ERBB4: variants seen among roughly 807,000 people sequenced by gnomAD.
The protein encoded by ERBB4 is erb-b2 receptor tyrosine kinase 4, also known as receptor tyrosine-protein kinase erbB-4.
A neutral mutation model predicts 158.0 loss-of-function variants in ERBB4; 42 were observed. That is an observed-to-expected ratio of 0.27 (90% confidence interval 0.21 to 0.34). The LOEUF (loss-of-function observed/expected upper bound fraction) is 0.34, where lower values mean the gene tolerates loss of function less well. ERBB4 is among the 10% of genes least tolerant of loss of function. The pLI is 1.00. For missense variants in ERBB4, 1,333 were observed against 1,624.1 expected, an observed-to-expected ratio of 0.82 and a Z score of 3.08; for synonymous variants, 583 against 558.7, an observed-to-expected ratio of 1.04 and a Z score of -0.61.
intron 2 of ERBB4, among the ~76,000 whole-genome samples, chr2:211,994,369 G>C (rs573775301): frequency 6.6e-6 from 1 of 152,120 alleles, no homozygotes; most frequent in East Asian, 1.9e-4. Flanking sequence ...CTGACTTCAA[G>C]CTCTCCTCCC....
intron 1 of ERBB4, among the ~76,000 whole-genome samples, chr2:212,311,428 A>G (rs775430042): frequency 6.6e-6 from 1 of 150,914 alleles, no homozygotes; most frequent in Non-Finnish European, 1.5e-5. Flanking sequence ...GAGTTTTAAA[A>G]TAAATCCTAT....
intron 20 of ERBB4, among the ~76,000 whole-genome samples, chr2:211,542,959 C>A (rs959589995): frequency 1.3e-5 from 2 of 151,896 alleles, no homozygotes; most frequent in Non-Finnish European, 2.9e-5. Context: ...TGAAACAACT[C>A]TTATTTAGAG....
At chr2:211,769,628 T>C (rs972069854) in intron 4 of ERBB4, among the ~76,000 whole-genome samples, 9 of 151,854 alleles carry the variant, frequency 5.9e-5, no homozygotes, top group African/African-American at 2.2e-4. Context: ...ACCTCAAAAG[T>C]AGGGAAGCCA....
chr2:211,418,350 A>G (rs115734408), intron 25 of ERBB4, among the ~76,000 whole-genome samples: 1,781 of 152,286 alleles, frequency 0.012, 30 homozygotes, highest in African/African-American at 0.041. Context: ...CTATTAGGAC[A>G]ATATAGATGA....
intron 1 of ERBB4, among the ~76,000 whole-genome samples, chr2:212,254,029 A>C (rs1032369263): frequency 6.6e-6 from 1 of 152,070 alleles, no homozygotes; most frequent in African/African-American, 2.4e-5. Context: ...CAGTATTATA[A>C]TCTCAGGAGA....
chr2:212,189,082 TGGG>T (rs770488299), intron 1 of ERBB4, among the ~76,000 whole-genome samples: 10 of 103,490 alleles, frequency 9.7e-5, no homozygotes, highest in South Asian at 4.1e-4. Context: ...ACTTTTTTTT[TGGG>T]GGGGGGGGTG....
chr2:212,515,449 T>C (rs1213797180), intron 1 of ERBB4, among the ~76,000 whole-genome samples: 1 of 152,016 alleles, frequency 6.6e-6, no homozygotes, highest in African/African-American at 2.4e-5. Context: ...TTAGGAAATA[T>C]AAATGTTTTA....
chr2:211,741,452 TACACACACAC>T (rs5838279), intron 5 of ERBB4, among the ~76,000 whole-genome samples: 2 of 143,210 alleles, frequency 1.4e-5, no homozygotes, highest in Non-Finnish European at 3.0e-5. Context: ...TATGTAGTTA[TACACACACAC>T]ACACACACAC....
At chr2:211,623,559 G>T (rs1157421542) in intron 18 of ERBB4, among the ~76,000 whole-genome samples, 3 of 152,176 alleles carry the variant, frequency 2.0e-5, no homozygotes, top group Admixed American at 1.3e-4. Flanking sequence ...GCCCAGGCAT[G>T]TCTGGGGTTC....
intron 20 of ERBB4, among the ~76,000 whole-genome samples, chr2:211,464,325 G>A (rs149894766): frequency 6.6e-6 from 1 of 152,308 alleles, no homozygotes; most frequent in East Asian, 1.9e-4. Context: ...ATGAGGCACT[G>A]CGTAGAGTTA....
chr2:211,772,918 CACACACAT>C (rs368830599), intron 4 of ERBB4, among the ~76,000 whole-genome samples: 1,077 of 46,706 alleles, frequency 0.023, 47 homozygotes, highest in African/African-American at 0.061. Flanking sequence ...TACACACACA[CACACACAT>C]ATATATATAT....
intron 1 of ERBB4, among the ~76,000 whole-genome samples, chr2:212,512,071 G>C (rs1433566898): frequency 1.3e-5 from 2 of 152,128 alleles, no homozygotes; most frequent in Non-Finnish European, 2.9e-5. Context: ...ACTGGCATGA[G>C]AAATGAAATG....
At chr2:211,845,415 T>G (rs2077565181) in intron 3 of ERBB4, among the ~76,000 whole-genome samples, 1 of 152,246 alleles carries the variant, frequency 6.6e-6, no homozygotes, top group East Asian at 1.9e-4. Context: ...GAGGACTGGC[T>G]GAGTATTATT....
intron 6 of ERBB4, among the ~76,000 whole-genome samples, 167 bp from the exon 7 acceptor site, chr2:211,722,701 T>A (rs2074142839): frequency 6.6e-6 from 1 of 152,258 alleles, no homozygotes; most frequent in African/African-American, 2.4e-5. Flanking sequence ...AAACTCTTTT[T>A]TCCAGTATCA....
chr2:211,538,236 G>A lies in ERBB4; in HGVS notation c.2487+23667C>T, dbSNP rs535363722. Among the ~76,000 whole-genome samples, 474 of 151,782 alleles carry A rather than the reference G, an allele frequency of 3.1e-3. 2 individuals are homozygous for A. Among genetic ancestry groups the A allele is most frequent in the African/African-American group, 0.011 (457 of 41,500 alleles). ...TATCCCTTTTGCAATACTTCACGCA[G>A]GAGATGATATAGTCTTTACTTAAAT... On this transcript the variant is annotated intron_variant, in intron 20 of 27. Coordinates refer to ENST00000342788, the MANE Select transcript of ERBB4 (RefSeq NM_005235.3).
chr2:211,416,444 C>A (rs563795612), intron 25 of ERBB4, among the ~76,000 whole-genome samples: 1 of 152,110 alleles, frequency 6.6e-6, no homozygotes, highest in East Asian at 1.9e-4. Flanking sequence ...AAACTAAATC[C>A]AATAGACTGA....
intron 5 of ERBB4, among the ~76,000 whole-genome samples, chr2:211,729,935 T>G (rs2074377939): frequency 6.6e-6 from 1 of 151,934 alleles, no homozygotes. Context: ...AATATAAAAT[T>G]TAAAACTGGG....
chr2:211,420,441 C>A lies in ERBB4; in HGVS notation c.3135G>T (p.Arg1045Ser). 6.2e-7 allele frequency: 1 copy of A among 1,603,430 alleles called. No individual in the cohort carries two copies. Among genetic ancestry groups the A allele is most frequent in the Non-Finnish European group, 8.5e-7 (1 of 1,171,144 alleles). The change falls in exon 25 of 28, where the codon AGG becomes AGT. Residue 1045 changes from arginine (R) to serine (S), a missense_variant and splice_region_variant. Physicochemically the swap from Arg to Ser is moderately radical, Grantham distance 110. Around this residue, in one of 5 missense-constraint regions of ERBB4, gnomAD observed 252 missense variants for 241.3 expected, o/e 1.04. Transcript: ENST00000342788. ...ATATGTGTATATAATTATTTCTTAC[C>A]CTATTCGAGTCAATTCTTGCTCTGG... ...YTSRARIDSN[R>S]SEIGHSPPPA...
chr2:211,607,814 G>A (rs2069040891), intron 19 of ERBB4, among the ~76,000 whole-genome samples: 1 of 149,976 alleles, frequency 6.7e-6, no homozygotes, highest in Non-Finnish European at 1.5e-5. Context: ...CATGAAAAGC[G>A]TTAATGATTA....
Sources: allele counts gnomAD v4.1 joint callset (sites outside exome capture counted in the v4.1 genomes callset), GRCh38; gene constraint gnomAD v4.1.1; regional missense constraint gnomAD v4.1.1; transcripts MANE v1.5; gene names NCBI Gene and HGNC (gene_info 2026-07-23, HGNC 2026-07-21).